The following SLC8A1 variants were observed in gnomAD, a reference collection of about 807,000 sequenced individuals.
The protein encoded by SLC8A1 is solute carrier family 8 member A1.
In SLC8A1, 18 loss-of-function variants were observed where a neutral mutation model predicts 68.3. That is an observed-to-expected ratio of 0.26 (90% CI 0.18 to 0.39). The LOEUF (loss-of-function observed/expected upper bound fraction) is 0.39. Among genes scored for constraint, SLC8A1 ranks in the 10% least tolerant of loss-of-function variants. SLC8A1 has a pLI of 1.00. For synonymous variants in SLC8A1, 475 were observed against 415.5 expected (o/e 1.14, Z -1.74); for missense variants, 985 against 1,156.7 (o/e 0.85, Z 2.15).
chr2:40,437,705 T>G (rs1699702147), intron 1 of SLC8A1, among the ~76,000 whole-genome samples: 1 of 152,110 alleles, frequency 6.6e-6, no homozygotes, highest in African/African-American at 2.4e-5. Flanking sequence ...GCTCAAAAAT[T>G]TACTGTCTTG....
intron 2 of SLC8A1, among the ~76,000 whole-genome samples, chr2:40,367,595 C>A (rs369879147): frequency 6.6e-6 from 1 of 151,920 alleles, no homozygotes; most frequent in African/African-American, 2.4e-5. Context: ...GTGAGACAAA[C>A]GTACATGTGT....
At chr2:40,425,947 T>C (rs1696735175) in intron 2 of SLC8A1, among the ~76,000 whole-genome samples, 1 of 152,084 alleles carries the variant, frequency 6.6e-6, no homozygotes, top group African/African-American at 2.4e-5. Context: ...TGCAGCACTA[T>C]TCCCAATAGC....
intron 1 of SLC8A1, among the ~76,000 whole-genome samples, chr2:40,495,562 G>A (rs1462239735): frequency 6.6e-6 from 1 of 152,078 alleles, no homozygotes; most frequent in African/African-American, 2.4e-5. Flanking sequence ...AGATGTATCT[G>A]TTGGTGAGTT....
chr2:40,462,285 G>T (rs528105217), intron 1 of SLC8A1, among the ~76,000 whole-genome samples: 1 of 151,694 alleles, frequency 6.6e-6, no homozygotes, highest in East Asian at 1.9e-4. Flanking sequence ...AGTATTACAG[G>T]CGTGAGTCAT....
At chr2:40,267,956 G>T (rs903998629) in intron 2 of SLC8A1, among the ~76,000 whole-genome samples, 1 of 152,140 alleles carries the variant, frequency 6.6e-6, no homozygotes, top group African/African-American at 2.4e-5. Context: ...ACCCTTTTCT[G>T]TTGAGCACTT....
intron 6 of SLC8A1, among the ~76,000 whole-genome samples, chr2:40,152,647 C>T (rs1390029344): frequency 6.6e-6 from 1 of 151,468 alleles, no homozygotes; most frequent in Non-Finnish European, 1.5e-5. Flanking sequence ...AACTCCTGGC[C>T]TCAAGTGATC....
chr2:40,379,485 T>C (rs1681007577), intron 2 of SLC8A1, among the ~76,000 whole-genome samples: 1 of 152,124 alleles, frequency 6.6e-6, no homozygotes, highest in South Asian at 2.1e-4. Context: ...ATCCCACTTA[T>C]AAGCATGGCA....
intron 2 of SLC8A1, among the ~76,000 whole-genome samples, chr2:40,183,044 G>A (rs1429015867): frequency 6.6e-6 from 1 of 152,178 alleles, no homozygotes; most frequent in Non-Finnish European, 1.5e-5. Context: ...GATATTCTCA[G>A]AGGCCAGTGG....
At chr2:40,447,116 C>T (rs771951513) in intron 1 of SLC8A1, among the ~76,000 whole-genome samples, 7 of 152,172 alleles carry the variant, frequency 4.6e-5, no homozygotes, top group African/African-American at 4.8e-5. Context: ...TTAATATTTA[C>T]ATCTAGTTTC....
intron 1 of SLC8A1, among the ~76,000 whole-genome samples, chr2:40,503,294 G>C (rs946393281): frequency 6.6e-6 from 1 of 151,936 alleles, no homozygotes; most frequent in Non-Finnish European, 1.5e-5. Context: ...CATTAACTCT[G>C]TCTCATAGTT....
intron 2 of SLC8A1, among the ~76,000 whole-genome samples, chr2:40,344,619 C>A (rs1011803093): frequency 1.3e-5 from 2 of 152,096 alleles, no homozygotes; most frequent in African/African-American, 4.8e-5. Context: ...TTGAGAATAA[C>A]CAGTCCTATG....
chr2:40,163,010 G>T (rs2045953112), intron 5 of SLC8A1, among the ~76,000 whole-genome samples: 1 of 152,108 alleles, frequency 6.6e-6, no homozygotes, highest in African/African-American at 2.4e-5. Context: ...ATACGTAAGG[G>T]CAGTTCTAAA....
intron 2 of SLC8A1, among the ~76,000 whole-genome samples, chr2:40,261,475 T>C (rs2064689686): frequency 6.6e-6 from 1 of 152,226 alleles, no homozygotes; most frequent in Non-Finnish European, 1.5e-5. Flanking sequence ...TCTCAAACAA[T>C]ATGTGATGAA....
intron 2 of SLC8A1, among the ~76,000 whole-genome samples, chr2:40,282,522 T>C (rs747794451): frequency 2.0e-5 from 3 of 152,190 alleles, no homozygotes; most frequent in Non-Finnish European, 4.4e-5. Flanking sequence ...AACTTTATTA[T>C]TACCCAAGAT....
intron 2 of SLC8A1, among the ~76,000 whole-genome samples, chr2:40,329,992 G>C (rs892195387): frequency 9.9e-5 from 15 of 152,200 alleles, no homozygotes; most frequent in Admixed American, 3.9e-4. Flanking sequence ...TATTTAAAGA[G>C]CAGGAGCTGA....
At chr2:40,304,750 T>C (rs1317658328) in intron 2 of SLC8A1, among the ~76,000 whole-genome samples, 1 of 152,158 alleles carries the variant, frequency 6.6e-6, no homozygotes, top group Non-Finnish European at 1.5e-5. Context: ...CTGCATTGTT[T>C]TACCTGGGTT....
chr2:40,240,441 G>A (rs2061059907), intron 2 of SLC8A1, among the ~76,000 whole-genome samples: 1 of 152,098 alleles, frequency 6.6e-6, no homozygotes, highest in South Asian at 2.1e-4. Context: ...ACCACAGCTG[G>A]GAAATGACAT....
At chr2:40,182,682 T>G (rs1045815912) in intron 2 of SLC8A1, among the ~76,000 whole-genome samples, 3 of 152,046 alleles carry the variant, frequency 2.0e-5, no homozygotes, top group Non-Finnish European at 4.4e-5. Context: ...TACCAAGGAG[T>G]TCTTATATCT....
intron 1 of SLC8A1, among the ~76,000 whole-genome samples, chr2:40,446,898 A>G (rs1701546150): frequency 6.6e-6 from 1 of 152,234 alleles, no homozygotes; most frequent in Admixed American, 6.5e-5. Context: ...CATCATCTGC[A>G]TTCTTTGAAA....
Sources: gnomAD v4.1 joint callset for allele counts (sites outside exome capture counted in the v4.1 genomes callset) on GRCh38, gnomAD v4.1.1 for gene constraint, MANE v1.5 for transcripts, NCBI Gene and HGNC (gene_info 2026-07-23, HGNC 2026-07-21) for gene names.